The following KHDRBS2 variants were observed in gnomAD, a reference collection of about 807,000 sequenced individuals.
KHDRBS2 encodes KH domain-containing, RNA-binding, signal transduction-associated protein 2.
Under a neutral mutation model 44.3 loss-of-function variants are expected in KHDRBS2, and 26 were observed. The ratio of observed to expected loss-of-function variants is 0.59; its 90% confidence interval spans 0.43 to 0.81. KHDRBS2 has a LOEUF of 0.81. KHDRBS2 is among the 40% of genes least tolerant of loss of function. KHDRBS2 has a pLI of 0.00. For synonymous variants in KHDRBS2, 194 were observed against 151.1 expected (o/e 1.28, Z -2.08); for missense variants, 476 against 433.1 (o/e 1.10, Z -0.88).
chr6:61,848,495 A>ATACG (rs1554236597), intron 6 of KHDRBS2, among the ~76,000 whole-genome samples: 2 of 58,200 alleles, frequency 3.4e-5, no homozygotes, highest in Non-Finnish European at 6.1e-5. Flanking sequence ...ATATATGTAT[A>ATACG]TATATATATA....
chr6:61,909,132 T>C (rs1426283828), intron 4 of KHDRBS2, among the ~76,000 whole-genome samples: 1 of 151,568 alleles, frequency 6.6e-6, no homozygotes, highest in Non-Finnish European at 1.5e-5. Context: ...AGGAGCATGA[T>C]CTCAGCTCAC....
At chr6:62,179,048 A>AT (rs1291807622) in intron 1 of KHDRBS2, among the ~76,000 whole-genome samples, 2 of 151,544 alleles carry the variant, frequency 1.3e-5, no homozygotes, top group Non-Finnish European at 3.0e-5. Context: ...TTTAACTAAC[A>AT]TTTTTCCCCC....
intron 3 of KHDRBS2, among the ~76,000 whole-genome samples, chr6:62,004,492 A>C (rs1382577784): frequency 1.3e-5 from 2 of 152,182 alleles, no homozygotes; most frequent in Non-Finnish European, 2.9e-5. Context: ...GACCAATAAC[A>C]GACTTTAAAA....
intron 2 of KHDRBS2, among the ~76,000 whole-genome samples, chr6:62,057,371 C>T (rs1420417657): frequency 6.6e-6 from 1 of 151,864 alleles, no homozygotes; most frequent in Non-Finnish European, 1.5e-5. Context: ...AAAGTAATCA[C>T]TAAGCTGGTT....
At chr6:61,706,196 C>T (rs1769518935) in intron 7 of KHDRBS2, among the ~76,000 whole-genome samples, 1 of 151,810 alleles carries the variant, frequency 6.6e-6, no homozygotes. Context: ...CCTTTCACTA[C>T]GCTTTCTACT....
At chr6:61,673,249 G>A in the KHDRBS2 span, among the ~76,000 whole-genome samples, 23 of 152,120 alleles carry the variant, frequency 1.5e-4, no homozygotes, top group African/African-American at 4.6e-4. Flanking sequence ...GGTTACTGTA[G>A]CCTTGTAGTA....
intron 4 of KHDRBS2, among the ~76,000 whole-genome samples, chr6:61,917,391 T>A (rs1241618930): frequency 6.6e-6 from 1 of 151,884 alleles, no homozygotes; most frequent in Non-Finnish European, 1.5e-5. Flanking sequence ...AAGAATTCCA[T>A]CTGAAAGGTC....
intron 6 of KHDRBS2, among the ~76,000 whole-genome samples, chr6:61,820,321 T>C (rs1789694633): frequency 6.6e-6 from 1 of 151,946 alleles, no homozygotes; most frequent in Non-Finnish European, 1.5e-5. Context: ...ATGCGTTTTG[T>C]AAGTGTAACC....
chr6:61,564,207 T>A, the KHDRBS2 span, among the ~76,000 whole-genome samples: 1 of 152,114 alleles, frequency 6.6e-6, no homozygotes, highest in Non-Finnish European at 1.5e-5. Flanking sequence ...TCATTTAAGT[T>A]CAATTTAATG....
the KHDRBS2 span, among the ~76,000 whole-genome samples, chr6:61,578,863 G>A: frequency 6.6e-6 from 1 of 151,942 alleles, no homozygotes; most frequent in Non-Finnish European, 1.5e-5. Context: ...GTTAACATTT[G>A]GCTAGCACTT....
intron 1 of KHDRBS2, among the ~76,000 whole-genome samples, chr6:62,204,391 A>G (rs1314969276): frequency 1.3e-5 from 2 of 152,142 alleles, no homozygotes; most frequent in Non-Finnish European, 2.9e-5. Flanking sequence ...TAAACTGGAT[A>G]TTACAAGTTG....
intron 6 of KHDRBS2, among the ~76,000 whole-genome samples, chr6:61,794,532 G>A (rs1248411488): frequency 6.6e-6 from 1 of 152,124 alleles, no homozygotes; most frequent in Non-Finnish European, 1.5e-5. Context: ...CTGACTGGAT[G>A]AGAATTAACT....
chr6:61,793,169 C>A (rs1784860558), intron 6 of KHDRBS2, among the ~76,000 whole-genome samples: 1 of 151,574 alleles, frequency 6.6e-6, no homozygotes, highest in South Asian at 2.1e-4. Flanking sequence ...TGCTATTTAG[C>A]AAATATGTTG....
chr6:61,914,287 T>G (rs1806581308), intron 4 of KHDRBS2, among the ~76,000 whole-genome samples: 2 of 152,226 alleles, frequency 1.3e-5, no homozygotes, highest in South Asian at 2.1e-4. Context: ...TTTTGGTTTG[T>G]GCAACTGATT....
chr6:62,275,038 CACACAT>C (rs1179666080), intron 1 of KHDRBS2, among the ~76,000 whole-genome samples: 2 of 151,378 alleles, frequency 1.3e-5, no homozygotes, highest in Non-Finnish European at 2.9e-5. Context: ...CACACACACA[CACACAT>C]ATATATTCCA....
At chr6:61,826,831 G>A (rs1790946660) in intron 6 of KHDRBS2, among the ~76,000 whole-genome samples, 1 of 152,064 alleles carries the variant, frequency 6.6e-6, no homozygotes, top group South Asian at 2.1e-4. Flanking sequence ...TTTTTTGAAA[G>A]CAGAGGACTT....
chr6:62,176,441 C>T (rs1347624625), intron 2 of KHDRBS2, among the ~76,000 whole-genome samples: 1 of 151,174 alleles, frequency 6.6e-6, no homozygotes, highest in South Asian at 2.1e-4. Context: ...TTTCTGTAAT[C>T]GTTACTATTA....
In KHDRBS2 at chr6:62,013,528, T is replaced by C. The variant is rs143236233; in HGVS notation, c.336+34350A>G. On this transcript the variant is annotated intron_variant, in intron 3 of 8. Transcript: ENST00000281156. ...TAGCAAAATTTTAATAATTATAATA[T>C]CAAAAATGTGTTTAGTACAATGTAA... Among the ~76,000 whole-genome samples the C allele has an allele frequency of 7.4e-4, 113 of 152,076 alleles. 1 individual carries two copies. The highest frequency in any genetic ancestry group is 2.7e-3 in the African/African-American group (111 of 41,548).
chr6:61,737,459 A>G (rs1717246165), intron 6 of KHDRBS2, among the ~76,000 whole-genome samples: 2 of 152,170 alleles, frequency 1.3e-5, no homozygotes, highest in South Asian at 4.1e-4. Context: ...ATAGTACTGC[A>G]AAACAGTAAA....
Sources: gnomAD v4.1 joint callset for allele counts (sites outside exome capture counted in the v4.1 genomes callset) on GRCh38, gnomAD v4.1.1 for gene constraint, MANE v1.5 for transcripts, NCBI Gene and HGNC (gene_info 2026-07-23, HGNC 2026-07-21) for gene names.